Variants in TAF5 observed in about 807,000 individuals in gnomAD.
The protein encoded by TAF5 is transcription initiation factor TFIID subunit 5.
A neutral mutation model predicts 80.9 loss-of-function variants in TAF5; 20 were observed. The ratio of observed to expected loss-of-function variants is 0.25; its 90% CI spans 0.17 to 0.36. TAF5 has a LOEUF of 0.36. Among genes scored for constraint, TAF5 ranks in the 10% least tolerant of loss-of-function variants. The pLI, the probability that TAF5 is intolerant of heterozygous loss-of-function variation, is 1.00. For missense variants in TAF5, 863 were observed against 1,029.4 expected, an observed-to-expected ratio of 0.84 and a Z score of 2.21; for synonymous variants, 388 against 406.4, an observed-to-expected ratio of 0.95 and a Z score of 0.55.
chr10:103,380,717 C>T (rs1416660471), intron 5 of TAF5, among the ~76,000 whole-genome samples: 4 of 149,366 alleles, frequency 2.7e-5, no homozygotes, highest in Middle Eastern at 3.8e-3. Context: ...CGGGTTCAAA[C>T]GATTCTTGTG....
chr10:103,382,821 T>C (rs1277424294), intron 6 of TAF5, among the ~76,000 whole-genome samples: 1 of 151,822 alleles, frequency 6.6e-6, no homozygotes, highest in African/African-American at 2.4e-5. Context: ...TAATTTTTTA[T>C]TTTTTGTAGA....
At chr10:103,386,974 TA>T (rs200436831) in intron 8 of TAF5, among the ~76,000 whole-genome samples, 200 bp from the exon 9 acceptor site, 285 of 143,482 alleles carry the variant, frequency 2.0e-3, no homozygotes, top group East Asian at 6.4e-3. Flanking sequence ...GACCTCAGCT[TA>T]AAAAAAAAAA....
intron 5 of TAF5, 89 bp from the exon 6 acceptor site, chr10:103,381,632 T>C (rs1005846147): frequency 2.9e-6 from 4 of 1,377,014 alleles, no homozygotes; most frequent in African/African-American, 1.4e-5. Context: ...TGAGGAGATA[T>C]TTAGTATAGT....
intron 1 of TAF5, among the ~76,000 whole-genome samples, chr10:103,369,204 C>T (rs2093353238): frequency 6.6e-6 from 1 of 151,870 alleles, no homozygotes. Context: ...GTCTCGAAAT[C>T]CTGACCTCAG....
chr10:103,371,674 C>T (rs2133623175), intron 1 of TAF5, among the ~76,000 whole-genome samples: 1 of 152,284 alleles, frequency 6.6e-6, no homozygotes. Context: ...CCTTCCCACC[C>T]TTAAGTACTT....
chr10:103,377,940 A>G (rs576036803), intron 2 of TAF5, among the ~76,000 whole-genome samples: 1 of 152,282 alleles, frequency 6.6e-6, no homozygotes, highest in African/African-American at 2.4e-5. Context: ...TCCATTCTAA[A>G]GAAACTGTCT....
chr10:103,376,605 G>A (rs1370338111), intron 2 of TAF5, among the ~76,000 whole-genome samples: 1 of 151,458 alleles, frequency 6.6e-6, no homozygotes, highest in Admixed American at 6.6e-5. Context: ...AAGAAAGGCT[G>A]ATGACAGAAC....
chr10:103,373,699 T>C, intron 2 of TAF5, 104 bp downstream of exon 2: 1 of 854,460 alleles, frequency 1.2e-6, no homozygotes, highest in Non-Finnish European at 1.8e-6. Flanking sequence ...GACTGCAACT[T>C]AAAAAGTACG....
At chr10:103,387,406 AT>A (rs2093399472) in intron 9 of TAF5, 54 bp downstream of exon 9, 4 of 1,557,956 alleles carry the variant, frequency 2.6e-6, no homozygotes, top group Non-Finnish European at 3.5e-6. Flanking sequence ...AAATAAAAAT[AT>A]TTTTTAAACA....
chr10:103,379,570 T>C, intron 3 of TAF5, 38 bp from the exon 4 acceptor site: 1 of 1,497,556 alleles, frequency 6.7e-7, no homozygotes, highest in Non-Finnish European at 9.0e-7. Context: ...TATTAATGAA[T>C]AAATAATTTT....
intron 1 of TAF5, among the ~76,000 whole-genome samples, chr10:103,372,182 G>T (rs753903652): frequency 1.3e-5 from 2 of 151,750 alleles, no homozygotes; most frequent in East Asian, 1.9e-4. Context: ...TGATCTGCCC[G>T]CCTCAGCCTC....
Position 103,388,212 on chromosome 10 carries a change from A to G in TAF5, c.2392A>G (p.Ser798Gly). 6.2e-7 allele frequency: 1 copy of G among 1,613,400 alleles called. No homozygotes were observed. Among genetic ancestry groups the G allele is most frequent in the Admixed American group, 1.7e-5 (1 of 59,908 alleles). Residue 798 changes from serine to glycine, a missense_variant, in exon 11 of 11, where the codon AGT becomes GGT. Physicochemically the swap from Ser to Gly is moderately conservative, Grantham distance 56. Coordinates refer to ENST00000369839, the MANE Select transcript of TAF5 (RefSeq NM_006951.5). ...RNLVLAAGAY[S>G]PQ Reference sequence around the variant, plus strand: ...CCTGGTTCTAGCTGCAGGAGCTTATAGTCCACAATAAACCATCGGTATTAA... The same window carrying G: ...CCTGGTTCTAGCTGCAGGAGCTTATGGTCCACAATAAACCATCGGTATTAA...
At chr10:103,376,014 C>T (rs183226906) in intron 2 of TAF5, among the ~76,000 whole-genome samples, 172 of 149,652 alleles carry the variant, frequency 1.1e-3, no homozygotes, top group Middle Eastern at 3.4e-3. Context: ...GCTGAGATTG[C>T]GCCATTACAC....
Position 103,373,470 on chromosome 10 carries a change from C to G in TAF5, c.672C>G (p.Phe224Leu). 6.2e-7 allele frequency: 1 copy of G among 1,614,180 alleles called. No homozygotes were observed. Among genetic ancestry groups the G allele is most frequent in the Non-Finnish European group, 8.5e-7 (1 of 1,180,040 alleles). Residue 224 changes from phenylalanine to leucine, a missense_variant, in exon 2 of 11, where the codon TTC (phenylalanine) becomes TTG (leucine). Coordinates refer to ENST00000369839, the MANE Select transcript of TAF5 (RefSeq NM_006951.5). ...YEEYYSGLKHFIECSLDCHRA... is the reference protein window; with the variant it reads ...YEEYYSGLKHLIECSLDCHRA... ...AATACTATAGTGGACTGAAACACTT[C>G]ATTGAATGTTCCCTGGACTGCCATC...
intron 2 of TAF5, among the ~76,000 whole-genome samples, chr10:103,375,992 AG>A (rs1393963752): frequency 3.3e-5 from 5 of 150,302 alleles, no homozygotes; most frequent in Non-Finnish European, 7.4e-5. Flanking sequence ...TGGGAGGCAG[AG>A]GTTGCAGTGA....
intron 1 of TAF5, 44 bp downstream of exon 1, chr10:103,368,592 A>C: frequency 6.9e-7 from 1 of 1,448,366 alleles, no homozygotes; most frequent in Non-Finnish European, 9.0e-7. Flanking sequence ...CGCGAAGGGG[A>C]GCAAGCCGGT....
At chr10:103,383,157 C>G in intron 6 of TAF5, 81 bp from the exon 7 acceptor site, 1 of 1,307,366 alleles carries the variant, frequency 7.6e-7, no homozygotes. Context: ...ATGTTAATTC[C>G]TCTCCTGCAC....
chr10:103,378,425 T>C lies in TAF5; in HGVS notation c.988T>C (p.Trp330Arg). 6.2e-7 allele frequency: 1 copy of C among 1,614,164 alleles called. No homozygotes were observed. Among genetic ancestry groups the C allele is most frequent in the South Asian group, 1.1e-5 (1 of 91,076 alleles). Residue 330 changes from tryptophan (W) to arginine (R), a missense_variant, in exon 3 of 11, where the codon TGG becomes CGG. Coordinates refer to ENST00000369839, the MANE Select transcript of TAF5 (RefSeq NM_006951.5). This position sits in a 1 kb window ranked among gnomAD's most constrained non-coding sequence, Gnocchi z 4.1. ...TCAGGAGAAACAGAACAATCAGATA[T>C]GGAACATAGTTCAGGAGCACCTCTA... ...HLQEKQNNQI[W>R]NIVQEHLYID...
intron 10 of TAF5, 92 bp from the exon 11 acceptor site, chr10:103,387,914 A>T (rs2093401273): frequency 7.6e-7 from 1 of 1,311,790 alleles, no homozygotes; most frequent in Non-Finnish European, 1.1e-6. Flanking sequence ...TTTTTCACCC[A>T]AAATGTACAG....
Sources: gnomAD v4.1 joint callset for allele counts (sites outside exome capture counted in the v4.1 genomes callset) on GRCh38, gnomAD v4.1.1 for gene constraint, Gnocchi (gnomAD v3.1) non-coding constraint, MANE v1.5 for transcripts, NCBI Gene and HGNC (gene_info 2026-07-23, HGNC 2026-07-21) for gene names.